Variants in PSD3 observed in about 807,000 individuals in gnomAD.
PSD3 encodes the protein PH and SEC7 domain-containing protein 3.
In PSD3, 49 loss-of-function variants were observed where a neutral mutation model predicts 105.5. That is an observed-to-expected ratio of 0.46 (90% CI 0.37 to 0.59). The LOEUF is 0.59. Among genes scored for constraint, PSD3 ranks in the 20% least tolerant of loss-of-function variants. The pLI is 0.00. For synonymous variants in PSD3, 557 were observed against 457.8 expected, an observed-to-expected ratio of 1.22 and a Z score of -2.77; for missense variants, 1,561 against 1,263.8, an observed-to-expected ratio of 1.24 and a Z score of -3.57.
At chr8:18,957,239 C>T (rs1586522408) in intron 1 of PSD3, among the ~76,000 whole-genome samples, 3 of 151,884 alleles carry the variant, frequency 2.0e-5, no homozygotes, top group East Asian at 1.9e-4. Context: ...GGCATGGTGG[C>T]GCGCGCCTGT....
At chr8:18,943,106 A>C (rs190193805) in intron 1 of PSD3, among the ~76,000 whole-genome samples, 318 of 152,322 alleles carry the variant, frequency 2.1e-3, no homozygotes, top group Non-Finnish European at 2.9e-3. Flanking sequence ...CCTAAGATTC[A>C]AAGAAGCTGC....
At position 18,937,107 on chromosome 8, in the gene PSD3, C is replaced by T. The variant is rs149524555; in HGVS notation, c.22-965G>A. On this transcript the variant is annotated intron_variant, in intron 1 of 15. Transcript: ENST00000327040. ...CATCCTAACTCTGAACTCCTAAGAC[C>T]TCCTTCCTCGCTGTTTTAGGCAACT... is the stretch of plus-strand genomic sequence containing the variant. Among the ~76,000 whole-genome samples, 432 of 152,304 alleles carry T rather than the reference C, an allele frequency of 2.8e-3. 3 individuals are homozygous for T. Among genetic ancestry groups the T allele is most frequent in the African/African-American group, 9.9e-3 (411 of 41,558 alleles).
chr8:18,571,313 A>G (rs1317355214), intron 14 of PSD3, among the ~76,000 whole-genome samples: 1 of 152,066 alleles, frequency 6.6e-6, no homozygotes, highest in African/African-American at 2.4e-5. Flanking sequence ...CACAGTTAAT[A>G]ACTTGTGTGT....
chr8:19,029,064 C>A (rs189989813), intron 1 of PSD3, among the ~76,000 whole-genome samples: 1 of 152,254 alleles, frequency 6.6e-6, no homozygotes, highest in East Asian at 1.9e-4. Flanking sequence ...TCATTACTAG[C>A]TTTATAGTAA....
At chr8:18,639,211 G>A (rs543936522) in intron 10 of PSD3, among the ~76,000 whole-genome samples, 8 of 152,094 alleles carry the variant, frequency 5.3e-5, no homozygotes, top group Admixed American at 2.0e-4. Flanking sequence ...GGAGGGAGTC[G>A]GGTAAGGGCA....
chr8:18,690,214 T>A (rs1800897188), intron 9 of PSD3, among the ~76,000 whole-genome samples: 1 of 152,168 alleles, frequency 6.6e-6, no homozygotes, highest in Non-Finnish European at 1.5e-5. Context: ...GCGTAGGAAC[T>A]GGTCTTGGAG....
intron 1 of PSD3, among the ~76,000 whole-genome samples, chr8:18,950,897 G>A (rs750679354): frequency 5.3e-5 from 8 of 152,090 alleles, no homozygotes; most frequent in Non-Finnish European, 1.2e-4. Context: ...CAACACAGGA[G>A]ACACAGTATT....
chr8:18,844,283 T>G (rs1814898470), intron 4 of PSD3, among the ~76,000 whole-genome samples: 1 of 152,198 alleles, frequency 6.6e-6, no homozygotes, highest in Non-Finnish European at 1.5e-5. Context: ...CCCTGAGAAT[T>G]CTAAAGATGG....
At chr8:18,772,227 C>A (rs1035485614) in intron 8 of PSD3, among the ~76,000 whole-genome samples, 4 of 152,104 alleles carry the variant, frequency 2.6e-5, no homozygotes, top group African/African-American at 9.7e-5. Context: ...CAGCTTTAAA[C>A]TTTTTATATA....
chr8:18,643,165 A>G (rs1807776005), intron 10 of PSD3, among the ~76,000 whole-genome samples: 1 of 152,146 alleles, frequency 6.6e-6, no homozygotes, highest in African/African-American at 2.4e-5. Context: ...CTCCCTTGCT[A>G]CATCATCCCA....
At chr8:18,716,493 G>A (rs1330974934) in intron 9 of PSD3, among the ~76,000 whole-genome samples, 1 of 152,164 alleles carries the variant, frequency 6.6e-6, no homozygotes, top group African/African-American at 2.4e-5. Flanking sequence ...AATGAGCTTG[G>A]TGTATTCACA....
At chr8:19,000,785 A>T (rs1166086845) in intron 1 of PSD3, 3 of 151,904 alleles carry the variant, frequency 2.0e-5, no homozygotes, top group Non-Finnish European at 4.4e-5. Context: ...GAAGCTAAAT[A>T]TCAGAGCACC....
At chr8:19,000,794 C>T (rs959842818) in intron 1 of PSD3, 26 of 151,906 alleles carry the variant, frequency 1.7e-4, no homozygotes, top group African/African-American at 6.0e-4. Flanking sequence ...TATCAGAGCA[C>T]CTACTCTGCC....
intron 10 of PSD3, among the ~76,000 whole-genome samples, chr8:18,651,170 A>G (rs1035384282): frequency 1.3e-5 from 2 of 152,222 alleles, no homozygotes; most frequent in Non-Finnish European, 2.9e-5. Flanking sequence ...AGGAAGCAGA[A>G]CTGGGTCCCC....
chr8:18,715,759 C>A (rs1414798045), intron 9 of PSD3, among the ~76,000 whole-genome samples: 1 of 152,148 alleles, frequency 6.6e-6, no homozygotes, highest in African/African-American at 2.4e-5. Flanking sequence ...TTTCTTGAAC[C>A]CCATTGCAAT....
chr8:18,941,682 T>G (rs1822552649), intron 1 of PSD3, among the ~76,000 whole-genome samples: 1 of 148,542 alleles, frequency 6.7e-6, no homozygotes, highest in Non-Finnish European at 1.5e-5. Flanking sequence ...TTTTTTTTTT[T>G]TTTTTGAGAT....
intron 4 of PSD3, among the ~76,000 whole-genome samples, chr8:18,828,047 G>GTATATATATATATATA (rs368464281): frequency 3.2e-5 from 4 of 126,378 alleles, no homozygotes; most frequent in African/African-American, 9.3e-5. Flanking sequence ...ATATATATAT[G>GTATATATATATATATA]TATATATATA....
At chr8:18,806,437 T>C (rs773969486) in intron 4 of PSD3, among the ~76,000 whole-genome samples, 1 of 152,180 alleles carries the variant, frequency 6.6e-6, no homozygotes, top group Non-Finnish European at 1.5e-5. Flanking sequence ...TTCTCTTGTA[T>C]TTATAACAGT....
chr8:19,056,368 G>C (rs1439515205), intron 1 of PSD3, among the ~76,000 whole-genome samples: 1 of 152,116 alleles, frequency 6.6e-6, no homozygotes, highest in Non-Finnish European at 1.5e-5. Flanking sequence ...AAATTTCTTG[G>C]AACTGTTCCT....
Sources: allele counts gnomAD v4.1 joint callset (sites outside exome capture counted in the v4.1 genomes callset), GRCh38; gene constraint gnomAD v4.1.1; transcripts MANE v1.5; gene names NCBI Gene and HGNC (gene_info 2026-07-23, HGNC 2026-07-21).